TCF4: variants seen among roughly 807,000 people sequenced by gnomAD.
TCF4 encodes the protein transcription factor 4, also known as SL3-3 enhancer factor 2.
TCF4 carries 3 observed loss-of-function variants against 82.1 expected under a neutral mutation model. That is an observed-to-expected ratio of 0.04 (90% CI 0.02 to 0.09). TCF4 has a LOEUF of 0.09. Among genes scored for constraint, TCF4 ranks in the 10% least tolerant of loss-of-function variants. TCF4 has a pLI of 1.00. For synonymous variants in TCF4, 276 were observed against 309.6 expected (o/e 0.89, Z 1.14); for missense variants, 518 against 852.7 (o/e 0.61, Z 4.89).
intron 3 of TCF4, among the ~76,000 whole-genome samples, chr18:55,536,988 G>C (rs1296514322): frequency 2.0e-5 from 3 of 152,012 alleles, no homozygotes; most frequent in Admixed American, 6.6e-5. Context: ...CAGAAAATTA[G>C]CCGGGTGTGG....
chr18:55,243,452 C>T (rs141659371), intron 15 of TCF4, among the ~76,000 whole-genome samples: 10 of 152,082 alleles, frequency 6.6e-5, no homozygotes, highest in African/African-American at 2.2e-4. Flanking sequence ...CATCTCGCAG[C>T]TATACAGTAA....
intron 6 of TCF4, among the ~76,000 whole-genome samples, chr18:55,367,378 C>A (rs2087484604): frequency 6.6e-6 from 1 of 152,218 alleles, no homozygotes; most frequent in Non-Finnish European, 1.5e-5. Flanking sequence ...CAGTACAAGT[C>A]TTGGAAATTC....
At chr18:55,340,013 C>A (rs1376967009) in intron 8 of TCF4, among the ~76,000 whole-genome samples, 2 of 152,206 alleles carry the variant, frequency 1.3e-5, no homozygotes, top group Non-Finnish European at 2.9e-5. Context: ...GTCCACACAT[C>A]TTCATCTTGC....
At chr18:55,416,421 AGCT>A (rs2094526999) in intron 5 of TCF4, among the ~76,000 whole-genome samples, 2 of 152,330 alleles carry the variant, frequency 1.3e-5, no homozygotes, top group South Asian at 4.1e-4. Flanking sequence ...TAGGATAATT[AGCT>A]GCCACTGTCC....
At chr18:55,607,595 G>C (rs543197899) in intron 2 of TCF4, among the ~76,000 whole-genome samples, 1 of 152,224 alleles carries the variant, frequency 6.6e-6, no homozygotes, top group African/African-American at 2.4e-5. Flanking sequence ...TTGAGTCCTA[G>C]CCCTAGGTCT....
intron 3 of TCF4, among the ~76,000 whole-genome samples, chr18:55,464,819 T>A (rs1239076983): frequency 6.6e-6 from 1 of 152,148 alleles, no homozygotes; most frequent in Admixed American, 6.5e-5. Flanking sequence ...TATAAAGCAA[T>A]GTTTTGTTTT....
intron 6 of TCF4, among the ~76,000 whole-genome samples, chr18:55,382,352 C>T (rs1407763955): frequency 2.0e-5 from 3 of 152,034 alleles, no homozygotes; most frequent in Non-Finnish European, 4.4e-5. Flanking sequence ...AATCTTGCTT[C>T]CTCCCCTCAG....
intron 8 of TCF4, among the ~76,000 whole-genome samples, chr18:55,318,155 C>T (rs904476563): frequency 6.6e-6 from 1 of 152,022 alleles, no homozygotes; most frequent in Non-Finnish European, 1.5e-5. Context: ...GTTTTATTTG[C>T]CATAATTTTA....
chr18:55,357,878 T>TGTAA (rs1360960944), intron 6 of TCF4, among the ~76,000 whole-genome samples: 1 of 152,192 alleles, frequency 6.6e-6, no homozygotes, highest in Admixed American at 6.5e-5. Context: ...AATCTGAACC[T>TGTAA]GTAAATAAGG....
intron 3 of TCF4, among the ~76,000 whole-genome samples, chr18:55,581,576 T>C (rs1055104672): frequency 1.2e-4 from 18 of 151,996 alleles, no homozygotes; most frequent in Non-Finnish European, 8.8e-5. Flanking sequence ...CCTCAACAAA[T>C]ATCTTTAAGG....
intron 5 of TCF4, among the ~76,000 whole-genome samples, chr18:55,444,357 CTA>C (rs1260445767): frequency 2.0e-5 from 3 of 152,116 alleles, no homozygotes; most frequent in Admixed American, 6.5e-5. Flanking sequence ...ATCTGGAATA[CTA>C]GGGTAAGACT....
chr18:55,322,724 G>A (rs1288381759), intron 8 of TCF4, among the ~76,000 whole-genome samples: 3 of 152,252 alleles, frequency 2.0e-5, no homozygotes, highest in African/African-American at 7.2e-5. Flanking sequence ...AAGGGCGCAC[G>A]TTCTCCACTC....
chr18:55,442,803 T>C (rs2095462631), intron 5 of TCF4, among the ~76,000 whole-genome samples: 2 of 152,186 alleles, frequency 1.3e-5, no homozygotes, highest in African/African-American at 4.8e-5. Flanking sequence ...AGAAGAACTT[T>C]TGCATTTCCA....
chr18:55,229,204 T>G, intron 17 of TCF4, 128 bp from the exon 18 acceptor site: 1 of 970,446 alleles, frequency 1.0e-6, no homozygotes. Flanking sequence ...GGCAGAATTT[T>G]TATATCCACT....
At position 55,568,180 on chromosome 18, in the gene TCF4, CAG is replaced by C. The variant is rs1397558540; in HGVS notation, c.145+17098_145+17099del. Among the ~76,000 whole-genome samples, 4 of 129,652 alleles carry C rather than the reference CAG, an allele frequency of 3.1e-5. No homozygotes were observed. In the East Asian group the frequency reaches 7.0e-4, roughly 23 times the overall value. The allele number at this position is 129,652 out of a possible 152,430, so 85.1% of individuals were successfully genotyped here. A position where few individuals can be genotyped will look rare whatever the true frequency, so the allele number is the denominator to read the frequency against. Reference sequence around the variant, plus strand: ...AACTCTATTTAGAAAAAAAAAAAAACAGAATAATAAGCCTAAGTACATAGAAA... The same window carrying C: ...AACTCTATTTAGAAAAAAAAAAAAACAATAATAAGCCTAAGTACATAGAAA... On this transcript the variant is annotated intron_variant, in intron 3 of 19. Coordinates refer to ENST00000354452, the MANE Select transcript of TCF4 (RefSeq NM_001083962.2).
chr18:55,558,527 T>C (rs2097325313), intron 3 of TCF4, among the ~76,000 whole-genome samples: 1 of 152,178 alleles, frequency 6.6e-6, no homozygotes, highest in Non-Finnish European at 1.5e-5. Flanking sequence ...TAATTTTGAA[T>C]TACTTATGCC....
chr18:55,433,871 A>G (rs2095263771), intron 5 of TCF4, among the ~76,000 whole-genome samples: 1 of 151,940 alleles, frequency 6.6e-6, no homozygotes, highest in Non-Finnish European at 1.5e-5. Flanking sequence ...TATGTGCCCA[A>G]TCATCCATGC....
At chr18:55,385,935 A>T (rs2092564141) in intron 6 of TCF4, among the ~76,000 whole-genome samples, 1 of 152,226 alleles carries the variant, frequency 6.6e-6, no homozygotes, top group African/African-American at 2.4e-5. Context: ...GGCCACTGCC[A>T]TCAGCTCATT....
intron 6 of TCF4, among the ~76,000 whole-genome samples, chr18:55,398,775 G>A (rs2093638258): frequency 6.6e-6 from 1 of 152,200 alleles, no homozygotes. Context: ...TGCCCTGCTA[G>A]GCACATGGTA....
Sources: allele counts gnomAD v4.1 joint callset (sites outside exome capture counted in the v4.1 genomes callset), GRCh38; gene constraint gnomAD v4.1.1; transcripts MANE v1.5; gene names NCBI Gene and HGNC (gene_info 2026-07-23, HGNC 2026-07-21).